The following MYO9B variants were observed in gnomAD, a reference collection of about 807,000 sequenced individuals.
MYO9B encodes myosin IXB.
Under a neutral mutation model 229.5 loss-of-function variants are expected in MYO9B, and 71 were observed. That is an observed-to-expected ratio of 0.31 (90% CI 0.26 to 0.38). The LOEUF (loss-of-function observed/expected upper bound fraction) is 0.38, where lower values mean the gene tolerates loss of function less well. Among genes scored for constraint, MYO9B ranks in the 10% least tolerant of loss-of-function variants. The pLI, the probability that MYO9B is intolerant of heterozygous loss-of-function variation, is 1.00. For missense variants in MYO9B, 2,255 were observed against 2,920.5 expected (o/e 0.77, Z 5.25); for synonymous variants, 1,185 against 1,235.8 (o/e 0.96, Z 0.86).
intron 30 of MYO9B, 96 bp from the exon 31 acceptor site, chr19:17,205,167 G>GAAA (rs371106054): frequency 2.8e-6 from 2 of 713,174 alleles, no homozygotes; most frequent in East Asian, 2.9e-5. Flanking sequence ...AAAAAAAAAA[G>GAAA]AAGGCAATTG....
At chr19:17,154,151 G>C (rs2305769) in intron 5 of MYO9B, 85 bp downstream of exon 5, 322,422 of 1,404,740 alleles carry the variant, frequency 0.23, 38,696 homozygotes, top group East Asian at 0.33. Context: ...GTCAGAGGCA[G>C]CCTGCCCTGG....
At chr19:17,209,134 G>A (rs750817738) in intron 35 of MYO9B, among the ~76,000 whole-genome samples, 2 of 151,984 alleles carry the variant, frequency 1.3e-5, no homozygotes, top group Non-Finnish European at 2.9e-5. Flanking sequence ...ACCACTCCAA[G>A]CTGAGTCCCT....
intron 4 of MYO9B, 33 bp downstream of exon 4, chr19:17,152,739 G>A (rs769421967): frequency 5.3e-5 from 83 of 1,562,494 alleles, no homozygotes; most frequent in Admixed American, 4.3e-4. Context: ...ATCTCTGAAT[G>A]CCACGCCATG....
rs765359483 is a variant in MYO9B at position 17,191,219 on chromosome 19, G to A, written c.2811G>A (p.Lys937=). 7.4e-6 allele frequency: 12 copies of A among 1,611,036 alleles called. No homozygotes were observed. Among genetic ancestry groups the A allele is most frequent in the Non-Finnish European group, 1.0e-5 (12 of 1,178,744 alleles). ...DKRNYQIGKT[K]VFLKETERQA... is the part of the protein sequence containing the mutation. ...GGAACTACCAGATCGGGAAGACCAA[G>A]GTCAGCGCTCCTGCCCCTCGGGGCA... is the stretch of plus-strand genomic sequence containing the variant. The change falls in exon 20 of 40, where the codon AAG becomes AAA. Residue 937 remains lysine, a splice_region_variant and synonymous_variant. Coordinates refer to ENST00000682292, the MANE Select transcript of MYO9B (RefSeq NM_004145.4).
At chr19:17,095,605 C>T (rs898394415) in intron 1 of MYO9B, 3 of 152,172 alleles carry the variant, frequency 2.0e-5, no homozygotes, top group African/African-American at 4.8e-5. Flanking sequence ...ATTCATCTGC[C>T]GATGGACATG....
chr19:17,183,596 A>T, intron 15 of MYO9B: 1 of 548,512 alleles, frequency 1.8e-6, no homozygotes, highest in Non-Finnish European at 3.2e-6. Flanking sequence ...AGCCACCAGC[A>T]GAGTCCGGGT....
At position 17,203,077 on chromosome 19, in the gene MYO9B, G is replaced by A. The variant is rs771712555; in HGVS notation, c.4879-70G>A. The A allele has an allele frequency of 1.1e-4, 159 of 1,422,772 alleles. 1 individual carries two copies. Among genetic ancestry groups the A allele is most frequent in the Non-Finnish European group, 1.4e-4 (142 of 1,035,550 alleles). The allele number at this position is 1,422,772 out of a possible 1,614,324, so 88.1% of individuals were successfully genotyped here. On this transcript the variant is annotated intron_variant, in intron 29 of 39. Coordinates refer to ENST00000682292, the MANE Select transcript of MYO9B (RefSeq NM_004145.4). ...AGTCACCCCTGAGATCCCATGGGTC[G>A]TCATCCACCAGTGGCTGGGGAGGGC...
intron 2 of MYO9B, among the ~76,000 whole-genome samples, chr19:17,137,465 C>T (rs548996747): frequency 6.6e-6 from 1 of 152,120 alleles, no homozygotes; most frequent in African/African-American, 2.4e-5. Context: ...TCCGCCCCCA[C>T]CAAAAGCACC....
At chr19:17,146,512 C>T (rs182389393) in intron 3 of MYO9B, among the ~76,000 whole-genome samples, 31 of 138,902 alleles carry the variant, frequency 2.2e-4, no homozygotes, top group African/African-American at 7.3e-4. Flanking sequence ...GGTAGGTGGA[C>T]GAATAAATGA....
chr19:17,209,509 CA>C, intron 35 of MYO9B, 76 bp from the exon 36 acceptor site: 1 of 1,475,220 alleles, frequency 6.8e-7, no homozygotes. Flanking sequence ...CCCCAGGCAC[CA>C]GCTAGCATCT....
intron 2 of MYO9B, among the ~76,000 whole-genome samples, chr19:17,135,943 T>C (rs2072263836): frequency 6.6e-6 from 1 of 151,998 alleles, no homozygotes; most frequent in South Asian, 2.1e-4. Flanking sequence ...TACACCAAGG[T>C]ACTACGGGGA....
intron 1 of MYO9B, among the ~76,000 whole-genome samples, chr19:17,081,168 C>T (rs2057530646): frequency 6.6e-6 from 1 of 152,134 alleles, no homozygotes; most frequent in Admixed American, 6.5e-5. Context: ...GCTGGGACTA[C>T]AGGCGTGCGC....
In MYO9B at chr19:17,200,278, T is replaced by C. The variant is rs372286669; in HGVS notation, c.4239-15T>C. ...CATTTCAGACTTAAAAGAAGCCACG[T>C]ACTTTCTCCTGCAGATCCACGTTTA... On this transcript the variant is annotated splice_polypyrimidine_tract_variant and intron_variant, in intron 24 of 39. Coordinates refer to ENST00000682292, the MANE Select transcript of MYO9B (RefSeq NM_004145.4). 60 of 1,602,342 alleles carry C rather than the reference T, an allele frequency of 3.7e-5. No homozygotes were observed. In the Admixed American group the frequency reaches 5.5e-4, roughly 15 times the overall value.
intron 2 of MYO9B, among the ~76,000 whole-genome samples, chr19:17,103,039 A>C (rs2057760305): frequency 1.3e-5 from 2 of 148,202 alleles, no homozygotes; most frequent in Admixed American, 1.4e-4. Context: ...CAACACAGCA[A>C]GGCCCCCTCT....
chr19:17,127,421 G>T (rs558780858), intron 2 of MYO9B, among the ~76,000 whole-genome samples: 1 of 150,800 alleles, frequency 6.6e-6, no homozygotes, highest in African/African-American at 2.4e-5. Flanking sequence ...TCGCCTCCCA[G>T]GTTCAAGCGA....
Position 17,159,288 on chromosome 19 carries a change from G to C in MYO9B, c.1330-107G>C, listed in dbSNP as rs998581872. 4.0e-6 allele frequency: 4 copies of C among 999,502 alleles called. No homozygotes were observed. In the African/African-American group the frequency reaches 6.4e-5, roughly 16 times the overall value. 61.9% of individuals were successfully genotyped at this position (999,502 alleles called of 1,614,324 possible). A position where few individuals can be genotyped will look rare whatever the true frequency, so the allele number is the denominator to read the frequency against. On this transcript the variant is annotated intron_variant, in intron 7 of 39. Coordinates refer to ENST00000682292, the MANE Select transcript of MYO9B (RefSeq NM_004145.4). ...TTCTAGGCCTGGCTGCTGGGGGTCC[G>C]TCTCCCAGCTGCCTCAGGCTCCGGG...
chr19:17,120,181 T>C (rs2057948796), intron 2 of MYO9B, among the ~76,000 whole-genome samples: 2 of 152,136 alleles, frequency 1.3e-5, no homozygotes, highest in Non-Finnish European at 2.9e-5. Context: ...CTTTGTATCA[T>C]ATGATCCCTC....
At chr19:17,109,063 T>C (rs112418749) in intron 2 of MYO9B, among the ~76,000 whole-genome samples, 6,554 of 147,134 alleles carry the variant, frequency 0.045, 229 homozygotes, top group Middle Eastern at 0.066. Context: ...TTTATTTATT[T>C]ATTTATTTAT....
intron 2 of MYO9B, among the ~76,000 whole-genome samples, chr19:17,125,309 C>CCCCCG (rs879861138): frequency 1.3e-4 from 16 of 120,930 alleles, no homozygotes; most frequent in African/African-American, 4.0e-4. Context: ...CCCCCCCCCC[C>CCCCCG]AAAAAAAGGG....
Sources: allele counts gnomAD v4.1 joint callset (sites outside exome capture counted in the v4.1 genomes callset), GRCh38; gene constraint gnomAD v4.1.1; transcripts MANE v1.5; gene names NCBI Gene and HGNC (gene_info 2026-07-23, HGNC 2026-07-21).